THRB: variants seen among roughly 807,000 people sequenced by gnomAD.
THRB encodes thyroid hormone receptor beta.
A neutral mutation model predicts 47.8 loss-of-function variants in THRB; 12 were observed. That is an observed-to-expected ratio of 0.25 (90% CI 0.16 to 0.41). THRB has a LOEUF of 0.41. THRB is among the 10% of genes least tolerant of loss of function. The pLI is 1.00. For synonymous variants in THRB, 218 were observed against 212.2 expected (o/e 1.03, Z -0.24); for missense variants, 348 against 589.2 (o/e 0.59, Z 4.24).
Position 24,439,335 on chromosome 3 carries a change from A to T in THRB, c.-261+55317T>A, listed in dbSNP as rs2071298053. On this transcript the variant is annotated intron_variant, in intron 1 of 10. Coordinates refer to ENST00000646209, the MANE Select transcript of THRB (RefSeq NM_001354712.2). ...CCTGGGTGGGGCACTAACAGCATCT[A>T]CTATAGGCTTCTTCTCACACCTACA... is the stretch of plus-strand genomic sequence containing the variant. Among the ~76,000 whole-genome samples, 3 of 152,148 alleles carry T rather than the reference A, an allele frequency of 2.0e-5. No homozygotes were observed. The South Asian group carries it at 6.2e-4, about 31-fold the overall frequency.
intron 1 of THRB, chr3:24,458,961 T>A (rs1046197037): frequency 6.6e-6 from 1 of 151,170 alleles, no homozygotes; most frequent in Admixed American, 6.6e-5. Flanking sequence ...TAAATATTTA[T>A]ATATTTATTT....
intron 2 of THRB, among the ~76,000 whole-genome samples, chr3:24,298,611 A>G (rs774712898): frequency 1.3e-5 from 2 of 152,214 alleles, no homozygotes; most frequent in Non-Finnish European, 2.9e-5. Context: ...ATTTTCAAAT[A>G]CTTTTTACCC....
At chr3:24,382,603 T>C (rs1389990389) in intron 1 of THRB, among the ~76,000 whole-genome samples, 2 of 151,990 alleles carry the variant, frequency 1.3e-5, no homozygotes, top group Admixed American at 6.6e-5. Context: ...AAATATACTA[T>C]TAAGAGGAAA....
At chr3:24,297,648 C>A (rs1171723226) in intron 2 of THRB, among the ~76,000 whole-genome samples, 3 of 152,226 alleles carry the variant, frequency 2.0e-5, no homozygotes, top group Non-Finnish European at 4.4e-5. Flanking sequence ...ATGTGAGGTT[C>A]CCTCACTGTT....
intron 2 of THRB, among the ~76,000 whole-genome samples, chr3:24,304,021 T>C (rs768624013): frequency 6.7e-6 from 1 of 149,652 alleles, no homozygotes; most frequent in Non-Finnish European, 1.5e-5. Flanking sequence ...TTTGCCCTTA[T>C]GTGTATATGT....
intron 1 of THRB, among the ~76,000 whole-genome samples, chr3:24,345,387 T>C (rs1197326247): frequency 3.9e-5 from 6 of 152,118 alleles, no homozygotes; most frequent in African/African-American, 1.4e-4. Flanking sequence ...GGATTGAGGC[T>C]GTCAGTCAAG....
Position 24,207,861 on chromosome 3 carries a change from G to A in THRB, c.23-17527C>T, listed in dbSNP as rs936440895. On this transcript the variant is annotated intron_variant, in intron 4 of 10. Coordinates refer to ENST00000646209, the MANE Select transcript of THRB (RefSeq NM_001354712.2). ...TTCTGGCCAGGGCAATCAGGCAGGA[G>A]AAAGAAATATATGGTATTCAATTAG... Among the ~76,000 whole-genome samples, 7 of 152,298 alleles carry A rather than the reference G, an allele frequency of 4.6e-5. No homozygotes were observed. The South Asian group carries it at 6.2e-4, about 14-fold the overall frequency.
At chr3:24,267,582 T>C (rs1035734615) in intron 3 of THRB, among the ~76,000 whole-genome samples, 13 of 152,192 alleles carry the variant, frequency 8.5e-5, no homozygotes, top group Admixed American at 8.5e-4. Flanking sequence ...CAAAACCCCT[T>C]ATCCTTAATA....
intron 1 of THRB, among the ~76,000 whole-genome samples, chr3:24,430,592 T>G (rs947580572): frequency 4.6e-5 from 7 of 152,148 alleles, no homozygotes; most frequent in African/African-American, 1.4e-4. Flanking sequence ...ATATATTTAC[T>G]TCAGTGAAAT....
chr3:24,450,056 A>G (rs1344758182), intron 1 of THRB, among the ~76,000 whole-genome samples: 1 of 152,066 alleles, frequency 6.6e-6, no homozygotes, highest in African/African-American at 2.4e-5. Context: ...AAACAGAGGG[A>G]AGAAGGGAGA....
intron 5 of THRB, among the ~76,000 whole-genome samples, chr3:24,186,565 T>C (rs1272930677): frequency 2.0e-5 from 3 of 152,100 alleles, no homozygotes; most frequent in African/African-American, 4.8e-5. Flanking sequence ...GGCTCTTCCA[T>C]AGCTCTCATT....
chr3:24,259,652 A>C (rs2051734839), intron 3 of THRB, among the ~76,000 whole-genome samples: 1 of 148,594 alleles, frequency 6.7e-6, no homozygotes, highest in Non-Finnish European at 1.5e-5. Flanking sequence ...TTAAGGAAAA[A>C]AGCTTAACTC....
chr3:24,120,950 T>C lies in THRB; in HGVS notation c.*1934A>G, dbSNP rs1333104345. 6.6e-6 allele frequency: 1 copy of C among 152,240 alleles called. No individual in the cohort carries two copies. Among genetic ancestry groups the C allele is most frequent in the Non-Finnish European group, 1.5e-5 (1 of 68,042 alleles). The allele number at this position is 152,240 out of a possible 1,614,324, so 9.4% of individuals were successfully genotyped here. ...GCTCCCAGATAATTTCCAATCATAC[T>C]TGGAATTTTCAGTGCTGTTCCTCTT... On this transcript the variant is annotated 3_prime_UTR_variant, in exon 11 of 11. Coordinates refer to ENST00000646209, the MANE Select transcript of THRB (RefSeq NM_001354712.2).
intron 3 of THRB, among the ~76,000 whole-genome samples, chr3:24,261,711 G>T (rs74574364): frequency 0.038 from 5,803 of 152,044 alleles, 339 homozygotes; most frequent in African/African-American, 0.12. Context: ...CAACCCATGA[G>T]GCTCATATTG....
At chr3:24,165,366 G>A (rs1200282801) in intron 5 of THRB, 1 of 752,634 alleles carries the variant, frequency 1.3e-6, no homozygotes, top group Non-Finnish European at 2.4e-6. Context: ...TTGTTTCCCT[G>A]GTTCAGTTTC....
chr3:24,347,762 TACTC>T (rs958096798), intron 1 of THRB, among the ~76,000 whole-genome samples: 4 of 151,850 alleles, frequency 2.6e-5, no homozygotes, highest in South Asian at 2.1e-4. Context: ...AAAAAAACCT[TACTC>T]AAACAGGAAA....
chr3:24,248,085 G>C (rs2050285801), intron 3 of THRB, among the ~76,000 whole-genome samples: 1 of 152,058 alleles, frequency 6.6e-6, no homozygotes, highest in Admixed American at 6.6e-5. Flanking sequence ...TTCAGTAAAG[G>C]TTACATGGTT....
At chr3:24,142,691 T>A (rs2035597952) in intron 8 of THRB, among the ~76,000 whole-genome samples, 1 of 152,206 alleles carries the variant, frequency 6.6e-6, no homozygotes. Context: ...GCACGTAGTC[T>A]TTCTAATGAG....
chr3:24,439,002 T>A (rs1446012122), intron 1 of THRB, among the ~76,000 whole-genome samples: 1 of 151,910 alleles, frequency 6.6e-6, no homozygotes, highest in Non-Finnish European at 1.5e-5. Context: ...GACAAAGATG[T>A]GGTTTTAGAA....
Sources: gnomAD v4.1 joint callset for allele counts (sites outside exome capture counted in the v4.1 genomes callset) on GRCh38, gnomAD v4.1.1 for gene constraint, MANE v1.5 for transcripts, NCBI Gene and HGNC (gene_info 2026-07-23, HGNC 2026-07-21) for gene names.